TRHDE: variants seen among roughly 807,000 people sequenced by gnomAD.
TRHDE encodes thyrotropin releasing hormone degrading enzyme, also known as thyrotropin-releasing hormone-degrading ectoenzyme.
Under a neutral mutation model 125.7 loss-of-function variants are expected in TRHDE, and 72 were observed. The observed-to-expected ratio is 0.57, with a 90% CI of 0.47 to 0.70. TRHDE has a LOEUF of 0.70. TRHDE is among the 30% of genes least tolerant of loss of function. The pLI, the probability that TRHDE is intolerant of heterozygous loss-of-function variation, is 0.00. For missense variants in TRHDE, 1,110 were observed against 1,327.1 expected (o/e 0.84, Z 2.54); for synonymous variants, 509 against 509.1 (o/e 1.00, Z 0.00).
intron 6 of TRHDE, among the ~76,000 whole-genome samples, chr12:72,533,723 G>GTTTTTTTTTT: frequency 2.8e-4 from 27 of 97,862 alleles, no homozygotes; most frequent in African/African-American, 6.4e-4. Flanking sequence ...TTTTCTATTT[G>GTTTTTTTTTT]TTTTTTTTTT....
intron 12 of TRHDE, among the ~76,000 whole-genome samples, chr12:72,616,539 T>C (rs1435853599): frequency 1.3e-5 from 2 of 152,088 alleles, no homozygotes; most frequent in African/African-American, 4.8e-5. Flanking sequence ...TTTCTTTCCG[T>C]AACATTATTT....
At chr12:72,297,020 C>T (rs1279110389) in intron 2 of TRHDE, among the ~76,000 whole-genome samples, 2 of 152,076 alleles carry the variant, frequency 1.3e-5, no homozygotes, top group Non-Finnish European at 2.9e-5. Flanking sequence ...ATGTTAATGG[C>T]TTGTGTCTGT....
intron 2 of TRHDE, chr12:72,262,917 G>C (rs557722174): frequency 1.3e-5 from 2 of 152,114 alleles, no homozygotes; most frequent in East Asian, 3.9e-4. Context: ...GAAATTCTCA[G>C]AAATGTCAAG....
intron 2 of TRHDE, among the ~76,000 whole-genome samples, chr12:72,130,226 C>G (rs1268746485): frequency 6.6e-6 from 1 of 152,108 alleles, no homozygotes; most frequent in Non-Finnish European, 1.5e-5. Flanking sequence ...TTGCTTGAAC[C>G]CGGGAGGCGG....
At chr12:72,392,099 G>A (rs1872632408) in intron 3 of TRHDE, among the ~76,000 whole-genome samples, 2 of 152,144 alleles carry the variant, frequency 1.3e-5, no homozygotes, top group Non-Finnish European at 2.9e-5. Context: ...GCCAGGAACA[G>A]AGTCATCACC....
At chr12:72,265,143 A>G (rs893381416) in intron 2 of TRHDE, among the ~76,000 whole-genome samples, 1 of 151,858 alleles carries the variant, frequency 6.6e-6, no homozygotes, top group Admixed American at 6.6e-5. Context: ...AAAAGACCCA[A>G]CATATTTAAC....
intron 12 of TRHDE, among the ~76,000 whole-genome samples, chr12:72,615,154 T>TA (rs1287451727): frequency 6.6e-6 from 1 of 152,120 alleles, no homozygotes; most frequent in East Asian, 1.9e-4. Flanking sequence ...AATCATCTCT[T>TA]ATGCTCATCC....
intron 2 of TRHDE, among the ~76,000 whole-genome samples, chr12:72,146,145 A>G (rs114301317): frequency 0.034 from 5,191 of 152,272 alleles, 145 homozygotes; most frequent in African/African-American, 0.082. Flanking sequence ...GAAAGTGTAT[A>G]TTTAGGAGTG....
chr12:72,504,629 A>G (rs1462815713), intron 6 of TRHDE, among the ~76,000 whole-genome samples: 1 of 152,234 alleles, frequency 6.6e-6, no homozygotes, highest in African/African-American at 2.4e-5. Flanking sequence ...CCAACAGGTC[A>G]GATAGAACCA....
intron 2 of TRHDE, among the ~76,000 whole-genome samples, chr12:72,337,602 G>A (rs763803917): frequency 6.6e-6 from 1 of 151,952 alleles, no homozygotes; most frequent in African/African-American, 2.4e-5. Context: ...GTTTCCCTGA[G>A]TGTGTCTCGT....
At chr12:72,567,746 G>T (rs922457456) in intron 9 of TRHDE, among the ~76,000 whole-genome samples, 1 of 151,966 alleles carries the variant, frequency 6.6e-6, no homozygotes, top group African/African-American at 2.4e-5. Context: ...AAATAATCTG[G>T]CTATATTTCA....
chr12:72,403,415 A>T (rs1249765759), intron 3 of TRHDE, among the ~76,000 whole-genome samples: 2 of 152,182 alleles, frequency 1.3e-5, no homozygotes, highest in Non-Finnish European at 1.5e-5. Context: ...ATTGTTTGCT[A>T]TGTGCCAAGC....
intron 13 of TRHDE, among the ~76,000 whole-genome samples, chr12:72,620,160 A>G (rs368475437): frequency 1.3e-5 from 2 of 152,132 alleles, no homozygotes; most frequent in South Asian, 4.1e-4. Flanking sequence ...AAAGTAAAAT[A>G]TATTTTTGAA....
intron 6 of TRHDE, among the ~76,000 whole-genome samples, chr12:72,510,904 C>A (rs748824119): frequency 6.6e-6 from 1 of 151,956 alleles, no homozygotes; most frequent in Non-Finnish European, 1.5e-5. Flanking sequence ...ATATGTCCAC[C>A]CTGGAGGATA....
At chr12:72,392,598 A>T (rs1872650135) in intron 3 of TRHDE, among the ~76,000 whole-genome samples, 2 of 152,202 alleles carry the variant, frequency 1.3e-5, no homozygotes, top group African/African-American at 4.8e-5. Context: ...AGTTACAATT[A>T]TGCCACTCTG....
chr12:72,505,869 C>A (rs916834333), intron 6 of TRHDE, among the ~76,000 whole-genome samples: 1 of 152,122 alleles, frequency 6.6e-6, no homozygotes, highest in Non-Finnish European at 1.5e-5. Context: ...TATCTATCAC[C>A]CCTTGTAATA....
At chr12:72,186,406 A>G (rs1592474929) in intron 2 of TRHDE, 1 of 154,340 alleles carries the variant, frequency 6.5e-6, no homozygotes. Context: ...TGTAACACTC[A>G]CCGCAAAGGT....
intron 2 of TRHDE, among the ~76,000 whole-genome samples, chr12:72,226,527 A>T (rs988111236): frequency 2.6e-5 from 4 of 152,190 alleles, no homozygotes; most frequent in Admixed American, 2.0e-4. Flanking sequence ...ATATTAATAA[A>T]ATATAAATTA....
chr12:72,644,823 T>A (rs1230020021), intron 15 of TRHDE, among the ~76,000 whole-genome samples: 1 of 152,192 alleles, frequency 6.6e-6, no homozygotes, highest in East Asian at 1.9e-4. Context: ...AGTCTTGGCA[T>A]TCTGATGGGC....
Sources: gnomAD v4.1 joint callset for allele counts (sites outside exome capture counted in the v4.1 genomes callset) on GRCh38, gnomAD v4.1.1 for gene constraint, MANE v1.5 for transcripts, NCBI Gene and HGNC (gene_info 2026-07-23, HGNC 2026-07-21) for gene names.